Variants in TNFSF4 observed in about 807,000 individuals in gnomAD.
The protein encoded by TNFSF4 is tumor necrosis factor ligand superfamily member 4.
TNFSF4 carries 4 observed loss-of-function variants against 7.3 expected under a neutral mutation model. The ratio of observed to expected loss-of-function variants is 0.55; its 90% CI spans 0.27 to 1.25. The LOEUF (loss-of-function observed/expected upper bound fraction) is 1.25. TNFSF4 is among the 50% of genes most tolerant of loss of function. TNFSF4 has a pLI of 0.12. For synonymous variants in TNFSF4, 76 were observed against 83.7 expected, an observed-to-expected ratio of 0.91 and a Z score of 0.50; for missense variants, 181 against 208.8, an observed-to-expected ratio of 0.87 and a Z score of 0.82.
the TNFSF4 span, among the ~76,000 whole-genome samples, chr1:173,381,881 C>T: frequency 6.6e-6 from 1 of 152,266 alleles, no homozygotes; most frequent in South Asian, 2.1e-4. Flanking sequence ...ATGCACCAAG[C>T]AGCACTCTGT....
At chr1:173,241,100 A>G in the TNFSF4 span, among the ~76,000 whole-genome samples, 2 of 152,180 alleles carry the variant, frequency 1.3e-5, no homozygotes, top group South Asian at 4.1e-4. Context: ...TATGACACAC[A>G]TACTTCCTAT....
chr1:173,429,877 T>C, the TNFSF4 span, among the ~76,000 whole-genome samples: 1 of 152,234 alleles, frequency 6.6e-6, no homozygotes, highest in East Asian at 1.9e-4. Context: ...AGCAGCTTCC[T>C]GCCTTACTAA....
chr1:173,327,118 A>G, the TNFSF4 span, among the ~76,000 whole-genome samples: 1 of 152,206 alleles, frequency 6.6e-6, no homozygotes, highest in East Asian at 1.9e-4. Context: ...TTCAAACTAT[A>G]CTACAAGGCT....
At chr1:173,418,269 G>A in the TNFSF4 span, 4 of 152,208 alleles carry the variant, frequency 2.6e-5, no homozygotes, top group East Asian at 1.9e-4. Context: ...GAACCTGAAC[G>A]TCTTCCCTGG....
the TNFSF4 span, among the ~76,000 whole-genome samples, chr1:173,222,461 T>C: frequency 6.6e-6 from 1 of 152,046 alleles, no homozygotes; most frequent in Non-Finnish European, 1.5e-5. Context: ...AGGCCAAAGG[T>C]TGGGAGTATT....
chr1:173,347,503 C>T, the TNFSF4 span, among the ~76,000 whole-genome samples: 1 of 152,150 alleles, frequency 6.6e-6, no homozygotes, highest in Admixed American at 6.5e-5. Flanking sequence ...CTCAATCATG[C>T]AGTAAGTATT....
At chr1:173,220,032 C>G in the TNFSF4 span, among the ~76,000 whole-genome samples, 2 of 151,534 alleles carry the variant, frequency 1.3e-5, no homozygotes, top group East Asian at 3.9e-4. Context: ...ACCTGTTCCC[C>G]AAAAACCTAT....
the TNFSF4 span, among the ~76,000 whole-genome samples, chr1:173,220,835 T>C: frequency 6.6e-6 from 1 of 152,218 alleles, no homozygotes; most frequent in Non-Finnish European, 1.5e-5. Context: ...GATTCTGTTA[T>C]AGCTGCCTGA....
the TNFSF4 span, among the ~76,000 whole-genome samples, chr1:173,265,336 A>G: frequency 6.6e-6 from 1 of 152,202 alleles, no homozygotes; most frequent in Admixed American, 6.5e-5. Context: ...TTTCCTTGAC[A>G]CTACTTGTGA....
the TNFSF4 span, among the ~76,000 whole-genome samples, chr1:173,406,591 T>A: frequency 6.8e-6 from 1 of 147,696 alleles, no homozygotes; most frequent in Non-Finnish European, 1.5e-5. Context: ...TCAGGCCGGA[T>A]TCATTGCTAT....
At chr1:173,346,970 G>A in the TNFSF4 span, among the ~76,000 whole-genome samples, 1 of 152,228 alleles carries the variant, frequency 6.6e-6, no homozygotes, top group Non-Finnish European at 1.5e-5. Flanking sequence ...AAGAGGACTT[G>A]ATGGCAACAT....
At chr1:173,211,043 G>C (rs1484605390), upstream of TNFSF4, among the ~76,000 whole-genome samples, 3 of 152,252 alleles carry the variant, frequency 2.0e-5, no homozygotes, top group Non-Finnish European at 4.4e-5. Flanking sequence ...AGTGGTATAA[G>C]CTAGGGACCT....
chr1:173,253,271 G>A, the TNFSF4 span, among the ~76,000 whole-genome samples: 1 of 152,138 alleles, frequency 6.6e-6, no homozygotes, highest in Non-Finnish European at 1.5e-5. Context: ...ATTTATCTGG[G>A]AGGGAGGTCA....
chr1:173,394,691 G>A, the TNFSF4 span, among the ~76,000 whole-genome samples: 2 of 152,130 alleles, frequency 1.3e-5, no homozygotes, highest in Admixed American at 1.3e-4. Context: ...TCCTGCCCTT[G>A]GTCTGAGACT....
At chr1:173,261,145 G>A in the TNFSF4 span, among the ~76,000 whole-genome samples, 1 of 152,138 alleles carries the variant, frequency 6.6e-6, no homozygotes, top group African/African-American at 2.4e-5. Flanking sequence ...TAGTCTCTCA[G>A]AAAGTAGCGC....
the TNFSF4 span, among the ~76,000 whole-genome samples, chr1:173,250,594 G>A: frequency 6.6e-6 from 1 of 151,978 alleles, no homozygotes; most frequent in Non-Finnish European, 1.5e-5. Flanking sequence ...CGAGTAGCTG[G>A]GACTACAGGC....
At chr1:173,258,363 C>T in the TNFSF4 span, among the ~76,000 whole-genome samples, 2 of 152,050 alleles carry the variant, frequency 1.3e-5, no homozygotes, top group Non-Finnish European at 2.9e-5. Flanking sequence ...ATGGCCCACC[C>T]GAGAGCAGAT....
the TNFSF4 span, chr1:173,362,642 G>T: frequency 2.2e-6 from 1 of 457,988 alleles, no homozygotes; most frequent in South Asian, 1.8e-5. Context: ...AAGGTCCTAT[G>T]TCCATTCATC....
upstream of TNFSF4, among the ~76,000 whole-genome samples, chr1:173,209,057 GCA>G (rs1324104904): frequency 1.3e-5 from 2 of 152,056 alleles, no homozygotes; most frequent in African/African-American, 4.8e-5. Context: ...AAAAATCTTT[GCA>G]CAGAGTCATC....
Sources: gnomAD v4.1 joint callset for allele counts (sites outside exome capture counted in the v4.1 genomes callset) on GRCh38, gnomAD v4.1.1 for gene constraint, MANE v1.5 for transcripts, NCBI Gene and HGNC (gene_info 2026-07-23, HGNC 2026-07-21) for gene names.